LRRC28: variants seen among roughly 807,000 people sequenced by gnomAD.
The protein encoded by LRRC28 is leucine-rich repeat-containing protein 28.
Under a neutral mutation model 45.7 loss-of-function variants are expected in LRRC28, and 39 were observed. The ratio of observed to expected loss-of-function variants is 0.85; its 90% CI spans 0.66 to 1.12. The LOEUF is 1.12. LRRC28 is among the 50% of genes most tolerant of loss of function. The probability of loss-of-function intolerance (pLI) is 0.00; values close to 1 mark genes in which losing one functional copy is unlikely to be tolerated. For synonymous variants in LRRC28, 206 were observed against 178.8 expected (o/e 1.15, Z -1.22); for missense variants, 435 against 438.5 (o/e 0.99, Z 0.07).
At chr15:99,349,884 C>A (rs1048983907) in intron 6 of LRRC28, among the ~76,000 whole-genome samples, 2 of 152,110 alleles carry the variant, frequency 1.3e-5, no homozygotes, top group Non-Finnish European at 2.9e-5. Context: ...CGCCTGTAAT[C>A]CCAGCACTTT....
At chr15:99,301,838 G>A (rs1452586083) in intron 5 of LRRC28, among the ~76,000 whole-genome samples, 1 of 151,954 alleles carries the variant, frequency 6.6e-6, no homozygotes, top group African/African-American at 2.4e-5. Flanking sequence ...GTAAAATTAT[G>A]ATATATAATG....
At chr15:99,291,308 C>G (rs2082115783) in intron 5 of LRRC28, among the ~76,000 whole-genome samples, 2 of 152,120 alleles carry the variant, frequency 1.3e-5, no homozygotes, top group African/African-American at 4.8e-5. Flanking sequence ...AATAGTTATA[C>G]ATTTTGGATA....
chr15:99,309,272 C>T (rs1401410607), intron 5 of LRRC28, among the ~76,000 whole-genome samples: 2 of 152,260 alleles, frequency 1.3e-5, no homozygotes, highest in Non-Finnish European at 2.9e-5. Context: ...GAACCAACCC[C>T]TGGGTTCAAA....
intron 2 of LRRC28, among the ~76,000 whole-genome samples, chr15:99,265,158 C>A (rs376637100): frequency 1.3e-5 from 2 of 152,090 alleles, no homozygotes; most frequent in Non-Finnish European, 2.9e-5. Flanking sequence ...TATGGTGGAA[C>A]CTTCTGCTCG....
At chr15:99,361,831 G>C (rs929774492) in intron 8 of LRRC28, among the ~76,000 whole-genome samples, 3 of 152,188 alleles carry the variant, frequency 2.0e-5, no homozygotes, top group African/African-American at 7.2e-5. Context: ...GTGCTTAAAA[G>C]TTCAAGTTTC....
At chr15:99,273,480 G>A (rs976020837) in intron 2 of LRRC28, among the ~76,000 whole-genome samples, 11 of 152,210 alleles carry the variant, frequency 7.2e-5, no homozygotes, top group Admixed American at 3.3e-4. Flanking sequence ...CTCGTGATCT[G>A]CCCGCCTCGG....
intron 3 of LRRC28, among the ~76,000 whole-genome samples, chr15:99,278,259 AT>A (rs1364845916): frequency 6.6e-6 from 1 of 151,836 alleles, no homozygotes; most frequent in East Asian, 1.9e-4. Context: ...TTAAAAAAAA[AT>A]TTTTTAAGAC....
intron 9 of LRRC28, among the ~76,000 whole-genome samples, chr15:99,385,344 G>A (rs1347968131): frequency 6.6e-6 from 1 of 152,190 alleles, no homozygotes; most frequent in East Asian, 1.9e-4. Flanking sequence ...TCAGCACAGG[G>A]GGTCTTGTGG....
intron 5 of LRRC28, among the ~76,000 whole-genome samples, chr15:99,295,648 GT>G (rs1297129616): frequency 2.0e-5 from 3 of 152,204 alleles, no homozygotes; most frequent in African/African-American, 7.2e-5. Context: ...CAGAAAAGAT[GT>G]TGCTTACATC....
In LRRC28 at chr15:99,280,804, C is replaced by T. The variant is rs145164374; in HGVS notation, c.209+4188C>T. On this transcript the variant is annotated intron_variant, in intron 3 of 9. Transcript: ENST00000301981. ...GTTTTTTCAGATATTTATTTATATA[C>T]CCTGTTCCTGGCCCCTGCTTGTGGA... Among the ~76,000 whole-genome samples the T allele has an allele frequency of 5.9e-5, 9 of 152,150 alleles. No homozygotes were observed. In the East Asian group the frequency reaches 1.7e-3, roughly 29 times the overall value.
intron 3 of LRRC28, among the ~76,000 whole-genome samples, chr15:99,279,380 A>C (rs1268865872): frequency 1.3e-5 from 2 of 152,136 alleles, no homozygotes; most frequent in Admixed American, 1.3e-4. Context: ...GTTTGTTACA[A>C]CTGTTTCAAG....
intron 5 of LRRC28, among the ~76,000 whole-genome samples, chr15:99,325,911 T>G (rs1425140095): frequency 6.6e-6 from 1 of 152,184 alleles, no homozygotes; most frequent in East Asian, 1.9e-4. Flanking sequence ...AATATCACTT[T>G]GACTTCTGTG....
chr15:99,382,185 C>T (rs546745851), intron 9 of LRRC28, among the ~76,000 whole-genome samples: 12 of 152,342 alleles, frequency 7.9e-5, no homozygotes, highest in Non-Finnish European at 1.3e-4. Flanking sequence ...CCACCCAGTT[C>T]GAGCTTCCTG....
chr15:99,251,943 A>G (rs934205788), intron 1 of LRRC28: 11 of 152,358 alleles, frequency 7.2e-5, no homozygotes, highest in African/African-American at 2.6e-4. Context: ...CTCCAGCGTT[A>G]GGAAATTGGA....
intron 9 of LRRC28, among the ~76,000 whole-genome samples, chr15:99,379,376 C>T (rs1214460628): frequency 1.3e-4 from 20 of 152,144 alleles, no homozygotes; most frequent in African/African-American, 3.4e-4. Context: ...TCTGTGGGAT[C>T]GCTGGTGATA....
intron 6 of LRRC28, among the ~76,000 whole-genome samples, chr15:99,348,521 C>G (rs1222297465): frequency 2.0e-5 from 3 of 152,042 alleles, no homozygotes; most frequent in African/African-American, 7.2e-5. Flanking sequence ...ACCATCTATT[C>G]AAGACACTTT....
At position 99,361,318 on chromosome 15, in the gene LRRC28, A is replaced by T. The variant is rs1057298911; in HGVS notation, c.696-18A>T. The T allele has an allele frequency of 2.5e-6, 4 of 1,604,180 alleles. No individual in the cohort carries two copies. The African/African-American group carries it at 4.0e-5, about 16-fold the overall frequency. ...TTCCTTATTGCTAATAATACTGTGA[A>T]TGTGTGTCTTTCTGCAGCTGTGGTG... On this transcript the variant is annotated intron_variant, in intron 7 of 9. Transcript: ENST00000301981.
chr15:99,255,962 C>A lies in LRRC28; in HGVS notation c.5C>A (p.Ala2Glu), dbSNP rs539126226. 4.3e-6 allele frequency: 7 copies of A among 1,611,644 alleles called. No homozygotes were observed. Among genetic ancestry groups the A allele is most frequent in the Non-Finnish European group, 5.9e-6 (7 of 1,179,654 alleles). Reference protein sequence around the residue: MASELCKTISVA... With the variant: MESELCKTISVA... Reference sequence around the variant, plus strand: ...CCTGATGGGATATATTCAGTCATGGCGTCCGAACTTTGTAAGACGATCTCT... The same window carrying A: ...CCTGATGGGATATATTCAGTCATGGAGTCCGAACTTTGTAAGACGATCTCT... The change falls in exon 2 of 10, where the codon GCG (alanine) becomes GAG (glutamate). Residue 2 changes from alanine to glutamate, a missense_variant. By Grantham distance (107) the Ala-to-Glu change is moderately radical. Transcript: ENST00000301981.
chr15:99,295,961 A>G (rs1439315951), intron 5 of LRRC28, among the ~76,000 whole-genome samples: 1 of 152,198 alleles, frequency 6.6e-6, no homozygotes, highest in African/African-American at 2.4e-5. Flanking sequence ...GGTCTGTCCC[A>G]TTGCCACCTG....
Sources: allele counts gnomAD v4.1 joint callset (sites outside exome capture counted in the v4.1 genomes callset), GRCh38; gene constraint gnomAD v4.1.1; transcripts MANE v1.5; gene names NCBI Gene and HGNC (gene_info 2026-07-23, HGNC 2026-07-21).